The following CCDC171 variants were observed in gnomAD, a reference collection of about 807,000 sequenced individuals.
CCDC171 encodes the protein coiled-coil domain-containing protein 171.
CCDC171 carries 177 observed loss-of-function variants against 168.2 expected under a neutral mutation model. That is an observed-to-expected ratio of 1.05 (90% CI 0.93 to 1.19). The LOEUF is 1.19. CCDC171 is among the 50% of genes most tolerant of loss of function. CCDC171 has a pLI of 0.00. For missense variants in CCDC171, 1,991 were observed against 1,539.0 expected, an observed-to-expected ratio of 1.29 and a Z score of -4.91; for synonymous variants, 687 against 540.8, an observed-to-expected ratio of 1.27 and a Z score of -3.75.
chr9:15,761,944 A>G lies in CCDC171; in HGVS notation c.2672-15656A>G, dbSNP rs540424573. On this transcript the variant is annotated intron_variant, in intron 18 of 25. Transcript: ENST00000380701. ...AAATTGAAATTTTATTTGCCTATCA[A>G]TTTTTAAGAGCAATTTTCAAATGGA... 6.6e-5 allele frequency among the ~76,000 whole-genome samples: 10 copies of G among 152,276 alleles called. 1 individual carries two copies. Among genetic ancestry groups the G allele is most frequent in the Admixed American group, 6.5e-4 (10 of 15,292 alleles).
At chr9:15,691,571 T>TATATATATATAC in intron 10 of CCDC171, among the ~76,000 whole-genome samples, 1 of 145,338 alleles carries the variant, frequency 6.9e-6, no homozygotes, top group East Asian at 2.0e-4. Context: ...TATATATATA[T>TATATATATATAC]GTACACATAA....
rs541229934 is a variant in CCDC171, at chr9:15,903,224, G to T, written c.3601-17046G>T. Among the ~76,000 whole-genome samples the T allele has an allele frequency of 3.2e-3, 493 of 152,326 alleles. 6 individuals are homozygous for T. Among genetic ancestry groups the T allele is most frequent in the African/African-American group, 0.011 (469 of 41,570 alleles). On this transcript the variant is annotated intron_variant, in intron 24 of 25. Coordinates refer to ENST00000380701, the MANE Select transcript of CCDC171 (RefSeq NM_173550.4). ...GGAGTTTGAGATCTGAGAACGGACA[G>T]ACTGCCTCCTCAAGTGGGTCCCTGA...
intron 14 of CCDC171, 89 bp from the exon 15 acceptor site, chr9:15,727,780 T>A (rs551004816): frequency 9.0e-6 from 9 of 994,996 alleles, no homozygotes; most frequent in East Asian, 2.8e-5. Flanking sequence ...TCAGGTTTTT[T>A]AAATTAACTC....
intron 11 of CCDC171, among the ~76,000 whole-genome samples, chr9:15,705,720 A>T (rs11793900): frequency 0.46 from 69,757 of 151,914 alleles, 16,356 homozygotes; most frequent in Non-Finnish European, 0.51. Context: ...CATTTCTATC[A>T]TAGTATATGG....
chr9:15,641,832 T>C (rs115063006), intron 7 of CCDC171, among the ~76,000 whole-genome samples: 88 of 152,324 alleles, frequency 5.8e-4, no homozygotes, highest in African/African-American at 2.0e-3. Context: ...AGTCAGCTTA[T>C]AAATGACAAA....
intron 25 of CCDC171, among the ~76,000 whole-genome samples, chr9:15,947,354 C>G (rs1828529016): frequency 6.6e-6 from 1 of 151,844 alleles, no homozygotes; most frequent in Non-Finnish European, 1.5e-5. Context: ...AGTAATTTCC[C>G]ATTTCCCCCA....
chr9:16,102,306 C>T, the CCDC171 span, among the ~76,000 whole-genome samples: 1 of 152,154 alleles, frequency 6.6e-6, no homozygotes, highest in African/African-American at 2.4e-5. Context: ...TAGACATATA[C>T]ACACGCGCTT....
intron 25 of CCDC171, among the ~76,000 whole-genome samples, chr9:15,964,822 G>A (rs1325484825): frequency 1.3e-5 from 2 of 152,068 alleles, no homozygotes; most frequent in African/African-American, 2.4e-5. Flanking sequence ...GTGCAATGGC[G>A]CGATCTCAGC....
chr9:16,045,149 G>A (rs1354859758), intron 1 of CCDC171, among the ~76,000 whole-genome samples: 1 of 152,168 alleles, frequency 6.6e-6, no homozygotes, highest in Non-Finnish European at 1.5e-5. Flanking sequence ...ATAGCCCAAT[G>A]CAATTCTTGT....
intron 6 of CCDC171, among the ~76,000 whole-genome samples, chr9:15,617,792 G>T (rs1319679455): frequency 6.6e-6 from 1 of 152,198 alleles, no homozygotes; most frequent in Non-Finnish European, 1.5e-5. Context: ...CTGCAGGTCT[G>T]CTGCAGTTTG....
chr9:15,787,126 A>G (rs1440923616), intron 21 of CCDC171, among the ~76,000 whole-genome samples: 1 of 152,124 alleles, frequency 6.6e-6, no homozygotes, highest in East Asian at 1.9e-4. Flanking sequence ...ACTGACAAAT[A>G]ATTGCATACA....
chr9:15,577,133 C>G (rs774695613), intron 3 of CCDC171, among the ~76,000 whole-genome samples: 1 of 152,178 alleles, frequency 6.6e-6, no homozygotes, highest in East Asian at 1.9e-4. Context: ...CTTCATTGAA[C>G]TTGTAATTTT....
chr9:15,763,009 C>A (rs2056535206), intron 18 of CCDC171, among the ~76,000 whole-genome samples: 1 of 152,208 alleles, frequency 6.6e-6, no homozygotes, highest in Non-Finnish European at 1.5e-5. Context: ...TTCAGGCTAG[C>A]TGGCTACAAA....
intron 4 of CCDC171, among the ~76,000 whole-genome samples, chr9:15,584,800 A>G (rs2041422542): frequency 1.3e-5 from 2 of 152,194 alleles, no homozygotes; most frequent in Admixed American, 1.3e-4. Flanking sequence ...GGTGTTTAAT[A>G]ATAGTTACAC....
chr9:15,682,273 G>A (rs1435189953), intron 10 of CCDC171, among the ~76,000 whole-genome samples: 2 of 151,940 alleles, frequency 1.3e-5, no homozygotes, highest in African/African-American at 4.8e-5. Context: ...GCTGTTAGAG[G>A]CTTTAGAGAT....
At chr9:15,893,430 A>G (rs893453819) in intron 24 of CCDC171, among the ~76,000 whole-genome samples, 3 of 152,230 alleles carry the variant, frequency 2.0e-5, no homozygotes, top group African/African-American at 7.2e-5. Flanking sequence ...AAAAATTGAC[A>G]AATGGTATCT....
At chr9:15,951,315 A>AT (rs1323488985) in intron 25 of CCDC171, among the ~76,000 whole-genome samples, 1 of 151,800 alleles carries the variant, frequency 6.6e-6, no homozygotes, top group Non-Finnish European at 1.5e-5. Flanking sequence ...AATCAACAGA[A>AT]TATACATTTT....
chr9:15,814,729 T>C (rs991103315), intron 21 of CCDC171, among the ~76,000 whole-genome samples: 1 of 152,150 alleles, frequency 6.6e-6, no homozygotes, highest in African/African-American at 2.4e-5. Flanking sequence ...AATCATCTAA[T>C]GAAGCAGAGT....
At chr9:16,042,162 C>T (rs571188014), upstream of CCDC171, among the ~76,000 whole-genome samples, 2 of 152,264 alleles carry the variant, frequency 1.3e-5, no homozygotes, top group South Asian at 2.1e-4. Flanking sequence ...CAGGCAGCCT[C>T]TCTGGAATAG....
Sources: allele counts gnomAD v4.1 joint callset (sites outside exome capture counted in the v4.1 genomes callset), GRCh38; gene constraint gnomAD v4.1.1; transcripts MANE v1.5; gene names NCBI Gene and HGNC (gene_info 2026-07-23, HGNC 2026-07-21).